Variants in CCDC60 observed in about 807,000 individuals in gnomAD.
The protein encoded by CCDC60 is coiled-coil domain-containing protein 60.
In CCDC60, 54 loss-of-function variants were observed where a neutral mutation model predicts 63.5. The observed-to-expected ratio is 0.85, with a 90% CI of 0.68 to 1.07. The LOEUF (loss-of-function observed/expected upper bound fraction) is 1.07. CCDC60 is among the 50% of genes least tolerant of loss of function. CCDC60 has a pLI of 0.00. For missense variants in CCDC60, 651 were observed against 684.3 expected (o/e 0.95, Z 0.54); for synonymous variants, 206 against 238.8 (o/e 0.86, Z 1.27).
Position 119,420,274 on chromosome 12 carries a change from A to AT in CCDC60, c.91-8408dup, listed in dbSNP as rs778456736. 3.9e-5 allele frequency among the ~76,000 whole-genome samples: 6 copies of AT among 152,106 alleles called. No homozygotes were observed. The highest frequency in any genetic ancestry group is 8.8e-5 in the Non-Finnish European group (6 of 68,010). On this transcript the variant is annotated intron_variant, in intron 1 of 13. Transcript: ENST00000327554. This position sits in a 1 kb window ranked among gnomAD's most constrained non-coding sequence, Gnocchi z 4.1. ...GGTATCTCTATGTGGGTAGGTACAC[A>AT]TCTTACATTCTTATGACAAAAAAAA...
At chr12:119,507,888 C>T (rs190187037) in intron 7 of CCDC60, among the ~76,000 whole-genome samples, 1 of 152,112 alleles carries the variant, frequency 6.6e-6, no homozygotes, top group Non-Finnish European at 1.5e-5. Flanking sequence ...AATCCCTAGG[C>T]TGGGTACAGT....
Position 119,523,807 on chromosome 12 carries a change from A to T in CCDC60, c.1218A>T (p.Glu406Asp). The change falls in exon 11 of 14, where the codon GAA (glutamate) becomes GAT (aspartate). Residue 406 changes from glutamate (E) to aspartate (D), a missense_variant. Glu to Asp is a conservative substitution (Grantham distance 45). Coordinates refer to ENST00000327554, the MANE Select transcript of CCDC60 (RefSeq NM_178499.5). ...GCTTCTGCCTGCAGGACAAGATGGA[A>T]ATCCTCATGAAGTAAGCGCACATAT... Reference protein sequence around the residue: ...EAGFCLQDKMEILMKRQEERG... With the variant: ...EAGFCLQDKMDILMKRQEERG... 1 of 1,614,098 alleles carries T rather than the reference A, an allele frequency of 6.2e-7. No individual in the cohort carries two copies. The highest frequency in any genetic ancestry group is 8.5e-7 in the Non-Finnish European group (1 of 1,179,960).
At chr12:119,528,227 ACAAGTTAACAC>A (rs1952745355) in intron 11 of CCDC60, among the ~76,000 whole-genome samples, 1 of 152,146 alleles carries the variant, frequency 6.6e-6, no homozygotes, top group Non-Finnish European at 1.5e-5. Flanking sequence ...AGGAACCAGC[ACAAGTTAACAC>A]CTACTGTGTG....
At chr12:119,479,035 A>C in intron 3 of CCDC60, 59 bp from the exon 4 acceptor site, 1 of 1,149,928 alleles carries the variant, frequency 8.7e-7, no homozygotes, top group Non-Finnish European at 1.3e-6. Flanking sequence ...GCAAGAGAAG[A>C]AGGTGTTCAA....
intron 1 of CCDC60, among the ~76,000 whole-genome samples, chr12:119,366,379 C>A (rs1227421669): frequency 6.6e-6 from 1 of 152,148 alleles, no homozygotes; most frequent in Non-Finnish European, 1.5e-5. Flanking sequence ...GGATTTGAGC[C>A]CAGCTCTGTC....
Position 119,420,998 on chromosome 12 carries a change from A to G in CCDC60, c.91-7685A>G, listed in dbSNP as rs1956801962. Among the ~76,000 whole-genome samples the G allele has an allele frequency of 6.6e-6, 1 of 152,140 alleles. No individual in the cohort carries two copies. The highest frequency in any genetic ancestry group is 1.5e-5 in the Non-Finnish European group (1 of 68,018). On this transcript the variant is annotated intron_variant, in intron 1 of 13. Transcript: ENST00000327554. The surrounding 1 kb of genome is among the most constrained non-coding windows in gnomAD (Gnocchi z 4.1). ...CTCCATAATGAGTCTGAAATTTGTT[A>G]ATCAGCAAGCTCGCTTCTCAGTGCT...
intron 4 of CCDC60, among the ~76,000 whole-genome samples, chr12:119,482,142 A>G (rs1041089726): frequency 5.5e-5 from 8 of 145,288 alleles, no homozygotes; most frequent in Admixed American, 3.5e-4. Context: ...ACACATATAT[A>G]TACACACACA....
chr12:119,472,398 C>G (rs534807331), intron 3 of CCDC60, among the ~76,000 whole-genome samples: 1 of 152,072 alleles, frequency 6.6e-6, no homozygotes, highest in African/African-American at 2.4e-5. Context: ...CTGCTCTCTC[C>G]GAATACTTCC....
intron 5 of CCDC60, among the ~76,000 whole-genome samples, chr12:119,493,840 T>G (rs1177826659): frequency 1.3e-5 from 2 of 152,190 alleles, no homozygotes; most frequent in East Asian, 1.9e-4. Flanking sequence ...GGGTTTTTTT[T>G]GTTTTGTTTT....
chr12:119,482,553 G>A (rs1035380091), intron 4 of CCDC60, among the ~76,000 whole-genome samples: 6 of 152,156 alleles, frequency 3.9e-5, no homozygotes, highest in African/African-American at 1.4e-4. Context: ...AAAGTGGCAG[G>A]CCCACAGGCT....
intron 1 of CCDC60, among the ~76,000 whole-genome samples, chr12:119,421,632 T>C (rs1956815037): frequency 6.6e-6 from 1 of 152,202 alleles, no homozygotes; most frequent in Admixed American, 6.5e-5. Context: ...GAGATTGGCA[T>C]TAGTCCCATT....
intron 1 of CCDC60, among the ~76,000 whole-genome samples, chr12:119,398,320 C>G (rs1228660049): frequency 6.6e-6 from 1 of 152,118 alleles, no homozygotes; most frequent in Admixed American, 6.5e-5. Flanking sequence ...CGGCACCGGC[C>G]AGCCGCTCCT....
At chr12:119,362,903 A>C (rs1199190431) in intron 1 of CCDC60, among the ~76,000 whole-genome samples, 1 of 152,234 alleles carries the variant, frequency 6.6e-6, no homozygotes, top group Non-Finnish European at 1.5e-5. Flanking sequence ...GTTCGAGACC[A>C]GCTTGGCCAA....
At chr12:119,415,604 C>T (rs887157469) in intron 1 of CCDC60, among the ~76,000 whole-genome samples, 4 of 152,148 alleles carry the variant, frequency 2.6e-5, no homozygotes, top group Admixed American at 2.0e-4. Context: ...GAGAGGTCAT[C>T]GGAGGCTGTG....
intron 1 of CCDC60, among the ~76,000 whole-genome samples, chr12:119,384,644 G>T (rs887840608): frequency 1.3e-4 from 20 of 152,196 alleles, no homozygotes; most frequent in African/African-American, 4.8e-4. Flanking sequence ...GACCCATCCT[G>T]GCTTCTGCCT....
chr12:119,513,973 C>A (rs1368645842), intron 7 of CCDC60, among the ~76,000 whole-genome samples: 2 of 151,990 alleles, frequency 1.3e-5, no homozygotes, highest in Non-Finnish European at 2.9e-5. Context: ...TGTGAAACAG[C>A]CCTAGGTAGA....
chr12:119,527,666 CTTTTTT>C (rs869099213), intron 11 of CCDC60, among the ~76,000 whole-genome samples: 1,082 of 84,956 alleles, frequency 0.013, 12 homozygotes, highest in South Asian at 0.087. Flanking sequence ...TTCTTTCTTT[CTTTTTT>C]TTTTTTTTTT....
intron 1 of CCDC60, among the ~76,000 whole-genome samples, chr12:119,377,753 C>CT (rs1207065168): frequency 6.6e-6 from 1 of 152,076 alleles, no homozygotes; most frequent in Non-Finnish European, 1.5e-5. Flanking sequence ...ACATTTTTTT[C>CT]TACACCAAAT....
chr12:119,474,226 C>A (rs1951129184), intron 3 of CCDC60, among the ~76,000 whole-genome samples: 1 of 152,112 alleles, frequency 6.6e-6, no homozygotes, highest in Non-Finnish European at 1.5e-5. Context: ...TTTTAAGTTC[C>A]CCTAAGCGAA....
Sources: allele counts gnomAD v4.1 joint callset (sites outside exome capture counted in the v4.1 genomes callset), GRCh38; gene constraint gnomAD v4.1.1; non-coding constraint Gnocchi (gnomAD v3.1); transcripts MANE v1.5; gene names NCBI Gene and HGNC (gene_info 2026-07-23, HGNC 2026-07-21).